The following TMPRSS11E variants were observed in gnomAD, a reference collection of about 807,000 sequenced individuals.
TMPRSS11E encodes the protein transmembrane serine protease 11E, also known as transmembrane protease serine 11E.
A neutral mutation model predicts 48.1 loss-of-function variants in TMPRSS11E; 38 were observed. The observed-to-expected ratio is 0.79, with a 90% confidence interval of 0.61 to 1.04. The LOEUF (loss-of-function observed/expected upper bound fraction) is 1.04. TMPRSS11E is among the 50% of genes least tolerant of loss of function. The probability of loss-of-function intolerance (pLI) is 0.00; values close to 1 mark genes in which losing one functional copy is unlikely to be tolerated. For synonymous variants in TMPRSS11E, 158 were observed against 171.9 expected (o/e 0.92, Z 0.63); for missense variants, 530 against 510.8 (o/e 1.04, Z -0.36).
chr4:68,461,084 T>C (rs1043686490), intron 1 of TMPRSS11E, among the ~76,000 whole-genome samples: 4 of 152,124 alleles, frequency 2.6e-5, no homozygotes, highest in African/African-American at 4.8e-5. Flanking sequence ...GGTTTCACCA[T>C]GTTAGCCAGG....
rs373417678 is a variant in TMPRSS11E, at chr4:68,447,522, C to G, written c.10C>G (p.Arg4Gly). ...TCATTGCTGGTTGGCAATGATGTAT[C>G]GGTGAGTTAGTTCCCTTTTTCTTTC... The part of the protein sequence containing the change: MMY[R>G]PDVVRARKRV... Residue 4 changes from arginine to glycine, a missense_variant and splice_region_variant, in exon 1 of 10, where the codon CGG becomes GGG. Transcript: ENST00000305363. 3 of 1,608,660 alleles carry G rather than the reference C, an allele frequency of 1.9e-6. No individual in the cohort carries two copies. The African/African-American group carries it at 4.0e-5, about 22-fold the overall frequency.
intron 6 of TMPRSS11E, among the ~76,000 whole-genome samples, chr4:68,475,707 A>T (rs1729193377): frequency 6.6e-6 from 1 of 152,184 alleles, no homozygotes. Flanking sequence ...TTGTTGGCCA[A>T]GCTATCATGC....
rs146080784 is a variant in TMPRSS11E at position 68,458,501 on chromosome 4, C to T, written c.12-3320C>T. On this transcript the variant is annotated intron_variant, in intron 1 of 9. Coordinates refer to ENST00000305363, the MANE Select transcript of TMPRSS11E (RefSeq NM_014058.4). ...CAGTCTATCTGAAGGTGATTTTACA[C>T]GAATAGGTGCACATAAGTTTTGATA... Among the ~76,000 whole-genome samples, 202 of 152,142 alleles carry T rather than the reference C, an allele frequency of 1.3e-3. 2 individuals carry two copies. Among genetic ancestry groups the T allele is most frequent in the Middle Eastern group, 3.4e-3 (1 of 294 alleles).
intron 8 of TMPRSS11E, among the ~76,000 whole-genome samples, chr4:68,478,548 G>A (rs1051682015): frequency 2.2e-5 from 3 of 139,198 alleles, no homozygotes. Context: ...TCTGCCTCCC[G>A]GGTTCAAGAG....
At chr4:68,481,120 G>T (rs997673560) in intron 9 of TMPRSS11E, among the ~76,000 whole-genome samples, 1 of 152,094 alleles carries the variant, frequency 6.6e-6, no homozygotes, top group Non-Finnish European at 1.5e-5. Context: ...CCATATTGCT[G>T]CAAAAACCAT....
intron 9 of TMPRSS11E, among the ~76,000 whole-genome samples, chr4:68,495,932 AGGATCTTGAGG>A (rs1729853338): frequency 6.6e-6 from 1 of 152,186 alleles, no homozygotes. Context: ...TAGAAGCGCC[AGGATCTTGAGG>A]AATAATCAGC....
chr4:68,451,541 A>G (rs574504428), intron 1 of TMPRSS11E, among the ~76,000 whole-genome samples: 2 of 151,856 alleles, frequency 1.3e-5, no homozygotes. Flanking sequence ...TTTAAATTCT[A>G]TTTTGCAACC....
chr4:68,487,910 C>T (rs971897428), intron 9 of TMPRSS11E, among the ~76,000 whole-genome samples: 2 of 134,368 alleles, frequency 1.5e-5, no homozygotes, highest in Non-Finnish European at 3.0e-5. Context: ...CATTGCGCTC[C>T]AGCCTGGGTG....
intron 1 of TMPRSS11E, among the ~76,000 whole-genome samples, chr4:68,451,879 G>A (rs1415978369): frequency 6.6e-6 from 1 of 151,872 alleles, no homozygotes; most frequent in Non-Finnish European, 1.5e-5. Flanking sequence ...CAAAGCCTAT[G>A]CTCTTAATCA....
At chr4:68,478,062 AC>A (rs1421796212) in intron 8 of TMPRSS11E, among the ~76,000 whole-genome samples, 1 of 151,776 alleles carries the variant, frequency 6.6e-6, no homozygotes, top group African/African-American at 2.4e-5. Flanking sequence ...TAGGCACCCA[AC>A]TTTTTGCTCA....
chr4:68,481,056 T>C (rs375155222), intron 9 of TMPRSS11E, among the ~76,000 whole-genome samples: 1 of 152,314 alleles, frequency 6.6e-6, no homozygotes, highest in East Asian at 1.9e-4. Flanking sequence ...ACATGAGGTA[T>C]TTGGTTTTCT....
At chr4:68,460,810 T>C (rs1421132488) in intron 1 of TMPRSS11E, among the ~76,000 whole-genome samples, 1 of 151,970 alleles carries the variant, frequency 6.6e-6, no homozygotes, top group Non-Finnish European at 1.5e-5. Flanking sequence ...TCAATGTTTT[T>C]CAGTAACATG....
At chr4:68,488,741 G>A (rs1259632016) in intron 9 of TMPRSS11E, among the ~76,000 whole-genome samples, 8 of 152,052 alleles carry the variant, frequency 5.3e-5, no homozygotes, top group Non-Finnish European at 8.8e-5. Flanking sequence ...GGGTTTCACC[G>A]TGTTAGCCAG....
At chr4:68,485,431 G>A (rs1278728035) in intron 9 of TMPRSS11E, among the ~76,000 whole-genome samples, 1 of 152,164 alleles carries the variant, frequency 6.6e-6, no homozygotes, top group Non-Finnish European at 1.5e-5. Context: ...ACAGGCATGA[G>A]CCACCGTGCC....
At chr4:68,488,198 G>A (rs1407136114) in intron 9 of TMPRSS11E, among the ~76,000 whole-genome samples, 1 of 152,046 alleles carries the variant, frequency 6.6e-6, no homozygotes, top group Admixed American at 6.6e-5. Flanking sequence ...GAATTTGTAT[G>A]TTAACCTCTG....
chr4:68,484,562 C>T (rs537213980), intron 9 of TMPRSS11E, among the ~76,000 whole-genome samples: 1 of 152,254 alleles, frequency 6.6e-6, no homozygotes, highest in South Asian at 2.1e-4. Context: ...CCTGCCTCTG[C>T]CTCCTAAAGT....
At chr4:68,465,991 A>G (rs988215075) in intron 2 of TMPRSS11E, among the ~76,000 whole-genome samples, 6 of 152,164 alleles carry the variant, frequency 3.9e-5, no homozygotes, top group Non-Finnish European at 8.8e-5. Context: ...TAAGGAGCAG[A>G]CAAGCCAACC....
intron 9 of TMPRSS11E, among the ~76,000 whole-genome samples, chr4:68,492,644 A>G (rs1410382520): frequency 1.3e-5 from 2 of 152,216 alleles, no homozygotes; most frequent in Non-Finnish European, 2.9e-5. Context: ...TTTAATGTTA[A>G]TGAATCAACA....
chr4:68,457,673 TAC>T (rs1728671185), intron 1 of TMPRSS11E, among the ~76,000 whole-genome samples: 1 of 152,064 alleles, frequency 6.6e-6, no homozygotes, highest in African/African-American at 2.4e-5. Flanking sequence ...ATGTCTGTTA[TAC>T]GTATCTCATT....
Sources: gnomAD v4.1 joint callset for allele counts (sites outside exome capture counted in the v4.1 genomes callset) on GRCh38, gnomAD v4.1.1 for gene constraint, MANE v1.5 for transcripts, NCBI Gene and HGNC (gene_info 2026-07-23, HGNC 2026-07-21) for gene names.